The following RNF216 variants were observed in gnomAD, a reference collection of about 807,000 sequenced individuals.
RNF216 encodes the protein ring finger protein 216.
RNF216 carries 72 observed loss-of-function variants against 110.8 expected under a neutral mutation model. The ratio of observed to expected loss-of-function variants is 0.65; its 90% CI spans 0.54 to 0.79. The LOEUF (loss-of-function observed/expected upper bound fraction) is 0.79, where lower values mean the gene tolerates loss of function less well. Ranked by LOEUF, RNF216 falls within the 30% of genes least tolerant of loss-of-function variation. The probability of loss-of-function intolerance (pLI) is 0.00; values close to 1 mark genes in which losing one functional copy is unlikely to be tolerated. For synonymous variants in RNF216, 495 were observed against 407.5 expected (o/e 1.21, Z -2.59); for missense variants, 1,342 against 1,141.2 (o/e 1.18, Z -2.54).
At chr7:5,769,384 G>A (rs1028211211) in intron 1 of RNF216, among the ~76,000 whole-genome samples, 2 of 151,900 alleles carry the variant, frequency 1.3e-5, no homozygotes, top group African/African-American at 4.8e-5. Flanking sequence ...CCGAAGTGTT[G>A]GGATTACAGG....
chr7:5,679,965 G>A (rs940331776), intron 13 of RNF216, among the ~76,000 whole-genome samples: 4 of 152,188 alleles, frequency 2.6e-5, no homozygotes, highest in African/African-American at 9.6e-5. Context: ...GTCCCTTAGG[G>A]TCCTGGGAGT....
At chr7:5,705,687 T>C (rs1792232712) in intron 13 of RNF216, among the ~76,000 whole-genome samples, 1 of 152,022 alleles carries the variant, frequency 6.6e-6, no homozygotes, top group Non-Finnish European at 1.5e-5. Context: ...GGCAGGCAGA[T>C]CACCTGAGGT....
intron 13 of RNF216, among the ~76,000 whole-genome samples, chr7:5,677,836 C>A (rs1790400695): frequency 6.6e-6 from 1 of 152,136 alleles, no homozygotes; most frequent in Admixed American, 6.5e-5. Flanking sequence ...CCAGTAGAAT[C>A]AGGGGAAGGA....
At chr7:5,765,966 AAG>A (rs1554265662) in intron 1 of RNF216, among the ~76,000 whole-genome samples, 4,942 of 129,350 alleles carry the variant, frequency 0.038, 134 homozygotes, top group East Asian at 0.073. Flanking sequence ...AAAAAAAAAA[AAG>A]AAAGAAAGAA....
intron 13 of RNF216, among the ~76,000 whole-genome samples, chr7:5,702,951 T>A (rs1480348387): frequency 6.6e-6 from 1 of 152,218 alleles, no homozygotes; most frequent in Admixed American, 6.5e-5. Flanking sequence ...GGGACCAATA[T>A]GAGCTGAGAG....
chr7:5,723,463 T>C (rs898113241), intron 8 of RNF216, among the ~76,000 whole-genome samples: 3 of 151,788 alleles, frequency 2.0e-5, no homozygotes, highest in Non-Finnish European at 2.9e-5. Context: ...CTGGCTAACA[T>C]GGTGAAACCC....
At chr7:5,668,034 T>C (rs1789641171) in intron 13 of RNF216, among the ~76,000 whole-genome samples, 1 of 152,090 alleles carries the variant, frequency 6.6e-6, no homozygotes, top group African/African-American at 2.4e-5. Context: ...TGGCAGTAAT[T>C]CATGTATCCA....
At chr7:5,646,701 A>G (rs922044741) in intron 14 of RNF216, among the ~76,000 whole-genome samples, 45 of 152,090 alleles carry the variant, frequency 3.0e-4, no homozygotes, top group Non-Finnish European at 5.4e-4. Context: ...TAAAAAAAAA[A>G]AAAAGAAAGT....
At chr7:5,737,541 AATAAT>A (rs1794495733) in intron 5 of RNF216, among the ~76,000 whole-genome samples, 1 of 144,630 alleles carries the variant, frequency 6.9e-6, no homozygotes, top group Admixed American at 6.7e-5. Flanking sequence ...TAATAATAAT[AATAAT>A]AAATAAATAA....
chr7:5,638,773 G>A (rs961197017), intron 15 of RNF216, among the ~76,000 whole-genome samples: 1 of 151,628 alleles, frequency 6.6e-6, no homozygotes, highest in African/African-American at 2.4e-5. Context: ...AAGTAGCTAT[G>A]ACTACAGGTG....
chr7:5,641,604 T>A (rs1477714680), intron 14 of RNF216, among the ~76,000 whole-genome samples: 1 of 152,166 alleles, frequency 6.6e-6, no homozygotes, highest in African/African-American at 2.4e-5. Flanking sequence ...TCCTCATTTT[T>A]AAACTGTGAA....
Position 5,729,583 on chromosome 7 carries a change from TC to T in RNF216, c.1237del (p.Asp413ThrfsTer8). On this transcript the variant is annotated frameshift_variant, in exon 7 of 17. Transcript: ENST00000389902. LOFTEE classifies it high-confidence loss of function. ...GGTCAATTTAGAATAGTCAAAAAAGTCTATTTTAGGCAACTGAAATGAGAGA... is the reference window on the plus strand; with the variant it reads ...GGTCAATTTAGAATAGTCAAAAAAGTTATTTTAGGCAACTGAAATGAGAGA... ...SQDETKLPKI[D>X]FFDYSKLTPL... 1 of 1,614,004 alleles carries T rather than the reference TC, an allele frequency of 6.2e-7. No individual in the cohort carries two copies. Among genetic ancestry groups the T allele is most frequent in the Non-Finnish European group, 8.5e-7 (1 of 1,179,902 alleles).
intron 14 of RNF216, chr7:5,649,661 T>C (rs1025597842): frequency 3.9e-5 from 6 of 152,080 alleles, no homozygotes; most frequent in African/African-American, 1.4e-4. Context: ...GGGCATCTTC[T>C]AGACTGGCAC....
At position 5,624,030 on chromosome 7, in the gene RNF216, C is replaced by T; in HGVS notation, c.2452+26G>A. 1 of 1,607,110 alleles carries T rather than the reference C, an allele frequency of 6.2e-7. No homozygotes were observed. Among genetic ancestry groups the T allele is most frequent in the Non-Finnish European group, 8.5e-7 (1 of 1,175,534 alleles). ...TGCATGGCCTGGCTGCTGCTCTGTC[C>T]TGGGGGCCTGGGGAGGGGCACTTGC... On this transcript the variant is annotated intron_variant, in intron 16 of 16. Coordinates refer to ENST00000389902, the MANE Select transcript of RNF216 (RefSeq NM_207111.4). This position sits in a 1 kb window ranked among gnomAD's most constrained non-coding sequence, Gnocchi z 4.4.
At chr7:5,693,635 AGGAAGTAAGAAG>A (rs1791462822) in intron 13 of RNF216, among the ~76,000 whole-genome samples, 1 of 152,198 alleles carries the variant, frequency 6.6e-6, no homozygotes, top group South Asian at 2.1e-4. Flanking sequence ...CTCTTTTTAG[AGGAAGTAAGAAG>A]GGAACTGTAG....
At chr7:5,629,516 T>C (rs2128558287) in intron 15 of RNF216, among the ~76,000 whole-genome samples, 1 of 152,072 alleles carries the variant, frequency 6.6e-6, no homozygotes, top group East Asian at 1.9e-4. Context: ...AAATTTTATC[T>C]TATGCTTCAC....
intron 3 of RNF216, among the ~76,000 whole-genome samples, chr7:5,744,714 T>C (rs955595228): frequency 6.6e-6 from 1 of 152,208 alleles, no homozygotes. Flanking sequence ...GGCTTATGCC[T>C]ATAATCCCAG....
intron 2 of RNF216, among the ~76,000 whole-genome samples, chr7:5,757,014 G>A (rs966432215): frequency 2.0e-5 from 3 of 152,140 alleles, no homozygotes; most frequent in African/African-American, 7.2e-5. Context: ...TCTCATAAAT[G>A]TAATAGGCTA....
intron 4 of RNF216, 82 bp downstream of exon 4, chr7:5,740,887 CAACT>C: frequency 7.3e-7 from 1 of 1,366,244 alleles, no homozygotes; most frequent in Non-Finnish European, 9.8e-7. Flanking sequence ...CGCATACCAA[CAACT>C]TTTTTTTTTG....
Sources: gnomAD v4.1 joint callset for allele counts (sites outside exome capture counted in the v4.1 genomes callset) on GRCh38, gnomAD v4.1.1 for gene constraint, Gnocchi (gnomAD v3.1) non-coding constraint, MANE v1.5 for transcripts, NCBI Gene and HGNC (gene_info 2026-07-23, HGNC 2026-07-21) for gene names.